Variants in OSBPL8 observed in about 807,000 individuals in gnomAD.
The protein encoded by OSBPL8 is oxysterol binding protein like 8.
In OSBPL8, 59 loss-of-function variants were observed where a neutral mutation model predicts 125.5. The ratio of observed to expected loss-of-function variants is 0.47; its 90% CI spans 0.38 to 0.58. OSBPL8 has a LOEUF of 0.58. Ranked by LOEUF, OSBPL8 falls within the 20% of genes least tolerant of loss-of-function variation. The pLI, the probability that OSBPL8 is intolerant of heterozygous loss-of-function variation, is 0.00. For synonymous variants in OSBPL8, 330 were observed against 338.9 expected, an observed-to-expected ratio of 0.97 and a Z score of 0.29; for missense variants, 758 against 1,047.8, an observed-to-expected ratio of 0.72 and a Z score of 3.82.
rs1016859534 is a variant in OSBPL8 at position 76,452,117 on chromosome 12, C to CA, written c.80-1130dup. ...GGGCAACAAGAGCGAAACTCCACCT[C>CA]AAAAAAAAAAGACGGTTTAGTCTCC... On this transcript the variant is annotated intron_variant, in intron 3 of 23. Transcript: ENST00000261183. Among the ~76,000 whole-genome samples, 85 of 145,208 alleles carry CA rather than the reference C, an allele frequency of 5.9e-4. 1 individual carries two copies. Among genetic ancestry groups the CA allele is most frequent in the African/African-American group, 1.7e-3 (69 of 39,658 alleles).
At chr12:76,544,996 T>C (rs944525581) in intron 1 of OSBPL8, among the ~76,000 whole-genome samples, 1 of 152,186 alleles carries the variant, frequency 6.6e-6, no homozygotes, top group African/African-American at 2.4e-5. Context: ...CTCTCCATTT[T>C]ACTAGGACCC....
At chr12:76,439,248 G>A (rs1215593225) in intron 4 of OSBPL8, among the ~76,000 whole-genome samples, 7 of 151,988 alleles carry the variant, frequency 4.6e-5, no homozygotes, top group Admixed American at 1.3e-4. Flanking sequence ...GCATGGTGGC[G>A]CACGCCTATA....
intron 2 of OSBPL8, among the ~76,000 whole-genome samples, chr12:76,472,735 C>T (rs1876312875): frequency 6.6e-6 from 1 of 152,148 alleles, no homozygotes; most frequent in African/African-American, 2.4e-5. Flanking sequence ...TTAGTATTTT[C>T]ACTAATTTTG....
chr12:76,406,185 G>A (rs996465055), intron 5 of OSBPL8, among the ~76,000 whole-genome samples: 13 of 152,064 alleles, frequency 8.5e-5, no homozygotes, highest in Admixed American at 2.0e-4. Context: ...AAATAATGGG[G>A]CATTTATTTA....
At chr12:76,378,282 A>G in intron 16 of OSBPL8, among the ~76,000 whole-genome samples, 170 bp downstream of exon 16, 1 of 152,208 alleles carries the variant, frequency 6.6e-6, no homozygotes, top group East Asian at 1.9e-4. Context: ...AATTCACCGC[A>G]GAAATATTCA....
At chr12:76,391,862 T>C (rs894182516) in intron 10 of OSBPL8, among the ~76,000 whole-genome samples, 4 of 148,792 alleles carry the variant, frequency 2.7e-5, no homozygotes, top group African/African-American at 7.4e-5. Context: ...AAGAGGAGAA[T>C]AGCAGTCTAA....
At chr12:76,551,416 G>C (rs550013755) in intron 1 of OSBPL8, among the ~76,000 whole-genome samples, 1 of 152,056 alleles carries the variant, frequency 6.6e-6, no homozygotes, top group Admixed American at 6.5e-5. Context: ...TAGAGGCCAG[G>C]GATGGTGCTA....
rs1182806186 is a variant in OSBPL8, at chr12:76,459,884, A to G, written c.54T>C (p.Asp18=). The change falls in exon 3 of 24, where the codon GAT becomes GAC. Residue 18 remains aspartate (D), a synonymous_variant. Coordinates refer to ENST00000261183, the MANE Select transcript of OSBPL8 (RefSeq NM_020841.5). The part of the protein sequence containing the change: ...GEPDRTSLLG[D]SKDVLGPSTV... ...TTGATGGCCCAAGGACATCTTTGCT[A>G]TCACCAAGAAGCTTTTAAGGCAGGG... The G allele has an allele frequency of 2.5e-6, 4 of 1,613,826 alleles. No homozygotes were observed. The highest frequency in any genetic ancestry group is 1.1e-5 in the South Asian group (1 of 91,086).
At chr12:76,399,825 G>A (rs767899929) in intron 7 of OSBPL8, 48 bp downstream of exon 7, 1 of 1,459,722 alleles carries the variant, frequency 6.9e-7, no homozygotes, top group East Asian at 2.3e-5. Context: ...TTCCATTCCA[G>A]TAGGTAAACA....
Position 76,355,801 on chromosome 12 carries a change from G to T in OSBPL8, c.*88C>A. On this transcript the variant is annotated 3_prime_UTR_variant, in exon 24 of 24. Transcript: ENST00000261183. Reference sequence around the variant, plus strand: ...GGTTTTTTTGTTTTCGGAATATTGTGATTTTTAATAAAGACCAAACCAACT... The same window carrying T: ...GGTTTTTTTGTTTTCGGAATATTGTTATTTTTAATAAAGACCAAACCAACT... 1 of 1,431,598 alleles carries T rather than the reference G, an allele frequency of 7.0e-7. No homozygotes were observed. Among genetic ancestry groups the T allele is most frequent in the Non-Finnish European group, 9.4e-7 (1 of 1,061,926 alleles). The allele number at this position is 1,431,598 out of a possible 1,614,324, so 88.7% of individuals were successfully genotyped here.
intron 4 of OSBPL8, among the ~76,000 whole-genome samples, chr12:76,439,738 C>T (rs550475570): frequency 2.6e-5 from 4 of 152,116 alleles, no homozygotes; most frequent in African/African-American, 9.7e-5. Context: ...AATCACCTTT[C>T]CAGAAATCTG....
Position 76,397,801 on chromosome 12 carries a change from C to T in OSBPL8, c.565G>A (p.Gly189Arg). Residue 189 changes from glycine to arginine, a missense_variant, in exon 8 of 24, where the codon GGA becomes AGA. By Grantham distance (125) the Gly-to-Arg change is moderately radical. Around this residue, in one of 3 missense-constraint regions of OSBPL8, gnomAD observed 69 missense variants for 148.7 expected, o/e 0.46. Transcript: ENST00000261183. The stretch of plus-strand genomic sequence containing the variant: ...TCACAGGCATTCAGAAGAACTGTTC[C>T]TACCCACTGACCATTTTTTTGGGTT... ...YKTQKNGQWV[G>R]TVLLNACEII... is the part of the protein sequence containing the mutation. 1 of 1,614,044 alleles carries T rather than the reference C, an allele frequency of 6.2e-7. No individual in the cohort carries two copies. The highest frequency in any genetic ancestry group is 8.5e-7 in the Non-Finnish European group (1 of 1,179,972).
At chr12:76,388,179 T>G (rs189450323) in intron 12 of OSBPL8, among the ~76,000 whole-genome samples, 1 of 152,304 alleles carries the variant, frequency 6.6e-6, no homozygotes, top group Non-Finnish European at 1.5e-5. Context: ...TGGAGTTATA[T>G]CTAATGTTTT....
intron 4 of OSBPL8, among the ~76,000 whole-genome samples, chr12:76,447,775 G>A (rs914488723): frequency 3.9e-5 from 6 of 152,118 alleles, no homozygotes; most frequent in Admixed American, 3.3e-4. Flanking sequence ...TCGAACTCCT[G>A]ACCTCAGGTA....
chr12:76,399,027 A>C (rs1436310758), intron 7 of OSBPL8, among the ~76,000 whole-genome samples: 1 of 152,212 alleles, frequency 6.6e-6, no homozygotes, highest in Non-Finnish European at 1.5e-5. Context: ...AACCTAAGTG[A>C]GATCTTGAGC....
chr12:76,438,414 C>T (rs1297402713), intron 4 of OSBPL8, among the ~76,000 whole-genome samples: 2 of 151,986 alleles, frequency 1.3e-5, no homozygotes, highest in Non-Finnish European at 2.9e-5. Flanking sequence ...AGCAATTCTC[C>T]CACCTTAGCC....
intron 15 of OSBPL8, among the ~76,000 whole-genome samples, chr12:76,382,877 T>C (rs1033594718): frequency 2.0e-5 from 3 of 152,168 alleles, no homozygotes; most frequent in Non-Finnish European, 4.4e-5. Flanking sequence ...CCACTTTATA[T>C]AGAATAGAAA....
chr12:76,413,884 G>A (rs766194670), intron 4 of OSBPL8, among the ~76,000 whole-genome samples: 1 of 151,902 alleles, frequency 6.6e-6, no homozygotes, highest in African/African-American at 2.4e-5. Flanking sequence ...CTTATTCTGT[G>A]GCTTTTTACA....
chr12:76,502,082 G>A (rs537424325), intron 1 of OSBPL8, among the ~76,000 whole-genome samples: 13 of 152,194 alleles, frequency 8.5e-5, no homozygotes, highest in South Asian at 2.1e-4. Flanking sequence ...ACAGAACAGT[G>A]GGGTGGCATT....
Sources: allele counts gnomAD v4.1 joint callset (sites outside exome capture counted in the v4.1 genomes callset), GRCh38; gene constraint gnomAD v4.1.1; regional missense constraint gnomAD v4.1.1; transcripts MANE v1.5; gene names NCBI Gene and HGNC (gene_info 2026-07-23, HGNC 2026-07-21).